SLC9D1: variants seen among roughly 807,000 people sequenced by gnomAD.
SLC9D1 encodes the protein putative LAG1-interacting protein.
chr13:113,509,336 T>TC, the SLC9D1 span, among the ~76,000 whole-genome samples: 2 of 78,230 alleles, frequency 2.6e-5, no homozygotes, highest in Admixed American at 2.8e-4. Flanking sequence ...GGTGGGTGGG[T>TC]CCCCCCTGGA....
the SLC9D1 span, among the ~76,000 whole-genome samples, chr13:113,517,187 G>A: frequency 1.3e-5 from 2 of 152,166 alleles, no homozygotes; most frequent in African/African-American, 2.4e-5. Flanking sequence ...AAATGCAAGC[G>A]AGGGGAAAGG....
the SLC9D1 span, chr13:113,500,080 G>A: frequency 1.3e-6 from 2 of 1,596,506 alleles, no homozygotes; most frequent in Non-Finnish European, 1.7e-6. Context: ...TTGACTCCCA[G>A]AACAACCAGT....
the SLC9D1 span, chr13:113,549,552 A>G: frequency 6.2e-7 from 1 of 1,613,928 alleles, no homozygotes; most frequent in Non-Finnish European, 8.5e-7. Flanking sequence ...CTCGGAGATG[A>G]TGGACCGTGG....
At chr13:113,505,006 A>G in the SLC9D1 span, 1 of 152,104 alleles carries the variant, frequency 6.6e-6, no homozygotes, top group Non-Finnish European at 1.5e-5. Context: ...CCATTCTTGG[A>G]GGAGTAAGGT....
At chr13:113,524,325 G>A in the SLC9D1 span, among the ~76,000 whole-genome samples, 11 of 152,178 alleles carry the variant, frequency 7.2e-5, no homozygotes, top group East Asian at 1.7e-3. Context: ...AATTGATCTT[G>A]TTATCATTAT....
the SLC9D1 span, among the ~76,000 whole-genome samples, chr13:113,540,062 G>A: frequency 6.6e-6 from 1 of 152,112 alleles, no homozygotes; most frequent in African/African-American, 2.4e-5. Flanking sequence ...ATTCTGTTAC[G>A]GTTGCGTAAC....
the SLC9D1 span, chr13:113,548,308 C>T: frequency 6.8e-6 from 11 of 1,614,020 alleles, no homozygotes; most frequent in South Asian, 9.9e-5. Context: ...TGCAGTTTCT[C>T]CTGGCGGCGC....
At chr13:113,527,365 C>G in the SLC9D1 span, 18 of 152,254 alleles carry the variant, frequency 1.2e-4, no homozygotes, top group African/African-American at 4.3e-4. Context: ...GGTTAATCTG[C>G]TGGCCACAAA....
chr13:113,503,302 C>G, the SLC9D1 span, among the ~76,000 whole-genome samples: 23 of 150,942 alleles, frequency 1.5e-4, no homozygotes, highest in African/African-American at 5.4e-4. Flanking sequence ...AAAGCACATA[C>G]TAGCCAAAAG....
At chr13:113,497,992 A>C in the SLC9D1 span, among the ~76,000 whole-genome samples, 1 of 152,234 alleles carries the variant, frequency 6.6e-6, no homozygotes, top group Admixed American at 6.5e-5. Context: ...CAGGTCTCAC[A>C]TCTGGTTTTA....
the SLC9D1 span, among the ~76,000 whole-genome samples, chr13:113,492,333 G>T: frequency 3.3e-5 from 5 of 152,224 alleles, no homozygotes; most frequent in African/African-American, 1.2e-4. Context: ...TTTATTTTGA[G>T]ATGGTTGTAG....
the SLC9D1 span, chr13:113,504,124 C>T: frequency 6.6e-6 from 1 of 152,444 alleles, no homozygotes; most frequent in African/African-American, 2.4e-5. Context: ...GGAAAACTAG[C>T]ATCGACTTAG....
the SLC9D1 span, among the ~76,000 whole-genome samples, chr13:113,522,049 C>A: frequency 6.6e-6 from 1 of 152,142 alleles, no homozygotes; most frequent in African/African-American, 2.4e-5. Context: ...CCTTTCCAAC[C>A]CGTATGCTTT....
the SLC9D1 span, among the ~76,000 whole-genome samples, chr13:113,532,487 G>A: frequency 2.6e-5 from 4 of 152,136 alleles, no homozygotes; most frequent in Non-Finnish European, 5.9e-5. Context: ...CAGCGTCCAG[G>A]AGCTGATTGA....
the SLC9D1 span, among the ~76,000 whole-genome samples, chr13:113,511,552 G>A: frequency 5.3e-5 from 8 of 152,240 alleles, no homozygotes; most frequent in Non-Finnish European, 1.2e-4. Context: ...TGAGGCGCCA[G>A]TAGGACACGG....
the SLC9D1 span, among the ~76,000 whole-genome samples, chr13:113,495,327 C>T: frequency 1.3e-5 from 2 of 152,216 alleles, no homozygotes; most frequent in Non-Finnish European, 2.9e-5. Context: ...GGTACATCAA[C>T]ATTCAGTATT....
At chr13:113,512,460 C>A in the SLC9D1 span, among the ~76,000 whole-genome samples, 46 of 147,002 alleles carry the variant, frequency 3.1e-4, no homozygotes, top group South Asian at 0.01. Flanking sequence ...GCCTCAGTGG[C>A]CGGAGTGTAG....
At chr13:113,497,365 G>A in the SLC9D1 span, among the ~76,000 whole-genome samples, 1 of 151,646 alleles carries the variant, frequency 6.6e-6, no homozygotes, top group Non-Finnish European at 1.5e-5. Context: ...GAGACCTGCA[G>A]CTGTGTGTGA....
chr13:113,524,253 A>G, the SLC9D1 span: 9 of 439,266 alleles, frequency 2.0e-5, no homozygotes, highest in South Asian at 4.9e-5. Flanking sequence ...CTTTTGCTCT[A>G]TGTATTTTGG....
Sources: allele counts gnomAD v4.1 joint callset (sites outside exome capture counted in the v4.1 genomes callset), GRCh38; gene constraint gnomAD v4.1.1; transcripts MANE v1.5; gene names NCBI Gene and HGNC (gene_info 2026-07-23, HGNC 2026-07-21).